Variants in C2CD5 observed in about 807,000 individuals in gnomAD.
C2CD5 encodes the protein C2 domain-containing protein 5.
A neutral mutation model predicts 130.3 loss-of-function variants in C2CD5; 109 were observed. The ratio of observed to expected loss-of-function variants is 0.84; its 90% CI spans 0.72 to 0.98. C2CD5 has a LOEUF of 0.98. C2CD5 is among the 50% of genes least tolerant of loss of function. The pLI, the probability that C2CD5 is intolerant of heterozygous loss-of-function variation, is 0.00. For missense variants in C2CD5, 996 were observed against 1,261.8 expected (o/e 0.79, Z 3.19); for synonymous variants, 454 against 429.2 (o/e 1.06, Z -0.71).
chr12:22,502,825 TA>T, intron 10 of C2CD5: 1 of 1,453,550 alleles, frequency 6.9e-7, no homozygotes, highest in Non-Finnish European at 9.3e-7. Flanking sequence ...AACAGCAAAT[TA>T]GTAGATCAGT....
intron 16 of C2CD5, among the ~76,000 whole-genome samples, chr12:22,473,611 G>C (rs533260521): frequency 6.6e-6 from 1 of 152,202 alleles, no homozygotes; most frequent in Admixed American, 6.5e-5. Flanking sequence ...TACTTAGCCA[G>C]GATCCCAAGA....
chr12:22,456,895 C>A (rs1939978167), intron 25 of C2CD5, 76 bp downstream of exon 25: 2 of 885,404 alleles, frequency 2.3e-6, no homozygotes, highest in Non-Finnish European at 1.7e-6. Flanking sequence ...CAAAAAATAA[C>A]AATTTGAAAC....
At chr12:22,456,908 A>T in intron 25 of C2CD5, 63 bp downstream of exon 25, 1 of 1,003,330 alleles carries the variant, frequency 1.0e-6, no homozygotes, top group Non-Finnish European at 1.5e-6. Flanking sequence ...TTTGAAACTT[A>T]GTTTTGTTAC....
chr12:22,461,470 A>C (rs545115884), intron 22 of C2CD5, among the ~76,000 whole-genome samples: 2 of 152,362 alleles, frequency 1.3e-5, no homozygotes, highest in East Asian at 3.9e-4. Flanking sequence ...ACACAGAAAG[A>C]GCTTACCTGA....
chr12:22,449,198 T>C lies in C2CD5; in HGVS notation c.*562A>G, dbSNP rs1938011996. The C allele has an allele frequency of 6.6e-6, 1 of 152,214 alleles. No individual in the cohort carries two copies. The highest frequency in any genetic ancestry group is 1.5e-5 in the Non-Finnish European group (1 of 68,036). The allele number at this position is 152,214 out of a possible 1,614,324, so 9.4% of individuals were successfully genotyped here. A position where few individuals can be genotyped will look rare whatever the true frequency, so the allele number is the denominator to read the frequency against. On this transcript the variant is annotated 3_prime_UTR_variant, in exon 27 of 27. Transcript: ENST00000446597. ...TACAAGAGTTAGGATGTATTACAGATACAAGTTCCAGAATTTTAACTTGTT... is the reference window on the plus strand; with the variant it reads ...TACAAGAGTTAGGATGTATTACAGACACAAGTTCCAGAATTTTAACTTGTT...
chr12:22,471,327 T>C, intron 20 of C2CD5, 72 bp downstream of exon 20: 1 of 870,334 alleles, frequency 1.1e-6, no homozygotes, highest in East Asian at 2.5e-5. Context: ...TACGGCAAAA[T>C]TATGATAAAC....
chr12:22,516,354 TATAA>T (rs1421431377), intron 8 of C2CD5, among the ~76,000 whole-genome samples: 5 of 151,824 alleles, frequency 3.3e-5, no homozygotes, highest in African/African-American at 4.8e-5. Context: ...GCTAATATTA[TATAA>T]ATAAACTATT....
At chr12:22,523,088 C>T (rs1950411408) in intron 7 of C2CD5, among the ~76,000 whole-genome samples, 1 of 151,960 alleles carries the variant, frequency 6.6e-6, no homozygotes, top group African/African-American at 2.4e-5. Flanking sequence ...GTGGCCTGCC[C>T]CTGTAGTCCC....
chr12:22,521,200 T>C (rs1391728011), intron 7 of C2CD5, among the ~76,000 whole-genome samples: 2 of 152,164 alleles, frequency 1.3e-5, no homozygotes, highest in African/African-American at 2.4e-5. Context: ...CCAAATTGCT[T>C]CATTCTCAAA....
chr12:22,493,876 A>G (rs1337229113), intron 10 of C2CD5, among the ~76,000 whole-genome samples: 1 of 151,944 alleles, frequency 6.6e-6, no homozygotes, highest in Non-Finnish European at 1.5e-5. Context: ...TAGGCAAAAT[A>G]CAAGAAATTA....
At chr12:22,491,561 C>G (rs916065817) in intron 11 of C2CD5, among the ~76,000 whole-genome samples, 1 of 151,924 alleles carries the variant, frequency 6.6e-6, no homozygotes, top group African/African-American at 2.4e-5. Context: ...AATGTGATAC[C>G]AAGAACTATG....
At chr12:22,482,823 T>G in intron 13 of C2CD5, 80 bp from the exon 14 acceptor site, 1 of 979,178 alleles carries the variant, frequency 1.0e-6, no homozygotes, top group South Asian at 1.4e-5. Flanking sequence ...TTGCTAAAAG[T>G]GTGCTGAATA....
At chr12:22,450,037 A>G in intron 26 of C2CD5, 146 bp from the exon 27 acceptor site, 1 of 580,064 alleles carries the variant, frequency 1.7e-6, no homozygotes, top group South Asian at 4.4e-5. Flanking sequence ...AAAAATGAGA[A>G]AAGGGTAAGA....
intron 14 of C2CD5, 115 bp downstream of exon 14, chr12:22,482,442 G>A: frequency 1.2e-6 from 1 of 807,906 alleles, no homozygotes; most frequent in Non-Finnish European, 2.0e-6. Context: ...TCCCATAAAG[G>A]TCTTAATGTC....
At chr12:22,489,845 C>CA (rs1946105887) in intron 12 of C2CD5, among the ~76,000 whole-genome samples, 1 of 150,364 alleles carries the variant, frequency 6.7e-6, no homozygotes, top group Non-Finnish European at 1.5e-5. Flanking sequence ...TATATCATGA[C>CA]AAAGCAAAAA....
At chr12:22,526,980 G>A (rs1303400429) in intron 4 of C2CD5, among the ~76,000 whole-genome samples, 3 of 152,120 alleles carry the variant, frequency 2.0e-5, no homozygotes, top group African/African-American at 7.2e-5. Context: ...TGGCAAAACC[G>A]TGTCTCTACA....
chr12:22,531,946 T>A (rs1305489158), intron 3 of C2CD5, among the ~76,000 whole-genome samples: 2 of 152,198 alleles, frequency 1.3e-5, no homozygotes, highest in Non-Finnish European at 2.9e-5. Flanking sequence ...AAACTATACA[T>A]TAACGAAAGA....
chr12:22,530,111 T>TATATATACACACAC (rs1301636778), intron 3 of C2CD5, among the ~76,000 whole-genome samples: 1 of 87,554 alleles, frequency 1.1e-5, no homozygotes, highest in African/African-American at 6.3e-5. Flanking sequence ...TATATATATA[T>TATATATACACACAC]ACACACACAC....
intron 13 of C2CD5, among the ~76,000 whole-genome samples, chr12:22,483,493 A>G (rs1315724580): frequency 6.6e-6 from 1 of 152,138 alleles, no homozygotes. Flanking sequence ...AATGTGCTGT[A>G]AAGAAATAGC....
Sources: allele counts gnomAD v4.1 joint callset (sites outside exome capture counted in the v4.1 genomes callset), GRCh38; gene constraint gnomAD v4.1.1; transcripts MANE v1.5; gene names NCBI Gene and HGNC (gene_info 2026-07-23, HGNC 2026-07-21).